DSCAM: variants seen among roughly 807,000 people sequenced by gnomAD.
DSCAM encodes the protein cell adhesion molecule DSCAM.
A neutral mutation model predicts 217.7 loss-of-function variants in DSCAM; 47 were observed. That is an observed-to-expected ratio of 0.22 (90% CI 0.17 to 0.28). DSCAM has a LOEUF of 0.28. Ranked by LOEUF, DSCAM falls within the 10% of genes least tolerant of loss-of-function variation. DSCAM has a pLI of 1.00. For synonymous variants in DSCAM, 1,056 were observed against 1,015.3 expected, an observed-to-expected ratio of 1.04 and a Z score of -0.76; for missense variants, 2,080 against 2,618.3, an observed-to-expected ratio of 0.79 and a Z score of 4.49.
chr21:40,412,216 G>A (rs1337586784), intron 3 of DSCAM, among the ~76,000 whole-genome samples: 1 of 152,178 alleles, frequency 6.6e-6, no homozygotes, highest in Non-Finnish European at 1.5e-5. Context: ...TCAGCGGCAT[G>A]AAAATGGACG....
chr21:40,526,473 A>G (rs541839322), intron 3 of DSCAM, among the ~76,000 whole-genome samples: 12 of 152,172 alleles, frequency 7.9e-5, no homozygotes, highest in African/African-American at 2.9e-4. Context: ...AGGTGCTGCA[A>G]TGAGAATATG....
chr21:40,843,633 C>T lies in DSCAM; in HGVS notation c.43+2986G>A, dbSNP rs765796770. Among the ~76,000 whole-genome samples, 28 of 152,014 alleles carry T rather than the reference C, an allele frequency of 1.8e-4. 1 individual carries two copies. Among genetic ancestry groups the T allele is most frequent in the Admixed American group, 7.2e-4 (11 of 15,258 alleles). ...GTGTGTGGGTGAGTGTCTGCACATA[C>T]GTGTACCTTGGCTCCTTGCACTGTA... On this transcript the variant is annotated intron_variant, in intron 1 of 32. Transcript: ENST00000400454.
intron 20 of DSCAM, among the ~76,000 whole-genome samples, chr21:40,101,786 T>TGG (rs141674928): frequency 6.8e-5 from 10 of 146,574 alleles, no homozygotes; most frequent in East Asian, 6.2e-4. Context: ...TGGGAGGTGG[T>TGG]GGGGGGGGGT....
Position 40,133,894 on chromosome 21 carries a change from C to G in DSCAM, c.3522G>C (p.Gly1174=), listed in dbSNP as rs528117516. The stretch of plus-strand genomic sequence containing the variant: ...GGGTGAAGATCTGCTCACTCCTGAC[C>G]CCGTCTCCTGCGCGGGTGAAGGCCA... ...QVLAFTRAGD[G]VRSEQIFTRT... Residue 1174 remains glycine, a synonymous_variant, in exon 19 of 33, where the codon GGG becomes GGC. Coordinates refer to ENST00000400454, the MANE Select transcript of DSCAM (RefSeq NM_001389.5). 2.5e-6 allele frequency: 4 copies of G among 1,613,522 alleles called. No individual in the cohort carries two copies. The East Asian group carries it at 8.9e-5, about 36-fold the overall frequency.
At chr21:40,165,878 G>A (rs1463490183) in intron 16 of DSCAM, among the ~76,000 whole-genome samples, 1 of 152,024 alleles carries the variant, frequency 6.6e-6, no homozygotes, top group Non-Finnish European at 1.5e-5. Context: ...CTTGCTGAGC[G>A]TCTTTATTCT....
chr21:40,653,476 T>C (rs900872925), intron 3 of DSCAM, among the ~76,000 whole-genome samples: 5 of 152,094 alleles, frequency 3.3e-5, no homozygotes, highest in Non-Finnish European at 7.4e-5. Flanking sequence ...TATTAATAGT[T>C]AAGGACACAA....
chr21:40,521,462 T>G (rs1339256824), intron 3 of DSCAM, among the ~76,000 whole-genome samples: 1 of 152,218 alleles, frequency 6.6e-6, no homozygotes, highest in Non-Finnish European at 1.5e-5. Flanking sequence ...CTAACTGAAG[T>G]GAGGTGATAC....
intron 20 of DSCAM, among the ~76,000 whole-genome samples, chr21:40,108,164 C>T (rs1250231897): frequency 2.0e-5 from 3 of 152,122 alleles, no homozygotes; most frequent in Non-Finnish European, 2.9e-5. Context: ...CTGGCCAGGG[C>T]AATCAGGCAA....
At position 40,635,571 on chromosome 21, in the gene DSCAM, G is replaced by GTGTGTGTGCA. The variant is rs572234539; in HGVS notation, c.508+57229_508+57238dup. 5.9e-5 allele frequency among the ~76,000 whole-genome samples: 9 copies of GTGTGTGTGCA among 152,290 alleles called. No homozygotes were observed. In the South Asian group the frequency reaches 1.9e-3, roughly 32 times the overall value. ...TGTATGCCGGTGTGTGCGTGGGCAG[G>GTGTGTGTGCA]TGTGTGTGCATGTGTGTGCATGTGT... On this transcript the variant is annotated intron_variant, in intron 3 of 32. Coordinates refer to ENST00000400454, the MANE Select transcript of DSCAM (RefSeq NM_001389.5).
At chr21:40,428,165 G>A (rs1243521191) in intron 3 of DSCAM, among the ~76,000 whole-genome samples, 1 of 151,742 alleles carries the variant, frequency 6.6e-6, no homozygotes, top group Non-Finnish European at 1.5e-5. Context: ...TTTTACCTGA[G>A]ATTTACTTAC....
At chr21:40,349,091 G>A (rs2074599167) in intron 5 of DSCAM, among the ~76,000 whole-genome samples, 1 of 138,434 alleles carries the variant, frequency 7.2e-6, no homozygotes, top group Admixed American at 7.6e-5. Context: ...GAGCTGAGAT[G>A]GCGCCACTGC....
intron 3 of DSCAM, among the ~76,000 whole-genome samples, chr21:40,568,176 TTC>T (rs973287732): frequency 2.0e-5 from 3 of 152,228 alleles, no homozygotes; most frequent in Admixed American, 1.3e-4. Flanking sequence ...TCAAATTCTT[TTC>T]TAAGTCACAA....
chr21:40,561,197 T>C (rs2076717877), intron 3 of DSCAM, among the ~76,000 whole-genome samples: 1 of 152,212 alleles, frequency 6.6e-6, no homozygotes, highest in East Asian at 1.9e-4. Context: ...TCTAATGACC[T>C]AAACTACAGG....
At chr21:40,726,361 T>C (rs1408715651) in intron 1 of DSCAM, among the ~76,000 whole-genome samples, 1 of 152,168 alleles carries the variant, frequency 6.6e-6, no homozygotes, top group Non-Finnish European at 1.5e-5. Flanking sequence ...ATGTAAATCA[T>C]AAATATTGAT....
intron 7 of DSCAM, 99 bp from the exon 8 acceptor site, chr21:40,338,475 T>C: frequency 1.6e-6 from 2 of 1,247,648 alleles, no homozygotes; most frequent in Non-Finnish European, 2.2e-6. Flanking sequence ...TAGATTATAT[T>C]CATGTAAGCA....
At position 40,295,234 on chromosome 21, in the gene DSCAM, T is replaced by C. The variant is rs554363891; in HGVS notation, c.2182+821A>G. Among the ~76,000 whole-genome samples the C allele has an allele frequency of 2.6e-5, 4 of 151,952 alleles. No individual in the cohort carries two copies. The South Asian group carries it at 8.3e-4, about 32-fold the overall frequency. On this transcript the variant is annotated intron_variant, in intron 10 of 32. Transcript: ENST00000400454. ...GATTATTTGATCTCACCAGTACATA[T>C]CTGGCCCTCAACTAATATAGTACTG... is the stretch of plus-strand genomic sequence containing the variant.
intron 8 of DSCAM, among the ~76,000 whole-genome samples, chr21:40,322,469 C>T (rs2123526669): frequency 6.6e-6 from 1 of 152,246 alleles, no homozygotes; most frequent in South Asian, 2.1e-4. Context: ...TGTAATATTT[C>T]TCATTTCTAA....
At chr21:40,830,019 A>G (rs907031149) in intron 1 of DSCAM, among the ~76,000 whole-genome samples, 1 of 152,138 alleles carries the variant, frequency 6.6e-6, no homozygotes, top group Non-Finnish European at 1.5e-5. Flanking sequence ...CATAACTTAC[A>G]TTTCCAGTTT....
At chr21:40,767,954 AT>A (rs1348172705) in intron 1 of DSCAM, among the ~76,000 whole-genome samples, 2 of 152,008 alleles carry the variant, frequency 1.3e-5, no homozygotes, top group African/African-American at 4.8e-5. Flanking sequence ...GATATACAGC[AT>A]TTTATTTTGT....
Sources: gnomAD v4.1 joint callset for allele counts (sites outside exome capture counted in the v4.1 genomes callset) on GRCh38, gnomAD v4.1.1 for gene constraint, MANE v1.5 for transcripts, NCBI Gene and HGNC (gene_info 2026-07-23, HGNC 2026-07-21) for gene names.